Variants in MAP3K7CL observed in about 807,000 individuals in gnomAD.
MAP3K7CL encodes the protein MAP3K7 C-terminal like.
MAP3K7CL carries 16 observed loss-of-function variants against 18.6 expected under a neutral mutation model. The observed-to-expected ratio is 0.86, with a 90% CI of 0.58 to 1.31. MAP3K7CL has a LOEUF of 1.31. Ranked by LOEUF, MAP3K7CL falls within the 50% of genes most tolerant of loss-of-function variation. The pLI is 0.00. For missense variants in MAP3K7CL, 163 were observed against 174.4 expected (o/e 0.93, Z 0.37); for synonymous variants, 65 against 66.8 (o/e 0.97, Z 0.13).
intron 3 of MAP3K7CL, among the ~76,000 whole-genome samples, chr21:29,157,343 T>C (rs1467919443): frequency 6.6e-6 from 1 of 152,236 alleles, no homozygotes; most frequent in Non-Finnish European, 1.5e-5. Context: ...TTATGCAATA[T>C]AACCTTCCTC....
chr21:29,162,912 C>T (rs1026580261), intron 4 of MAP3K7CL, among the ~76,000 whole-genome samples: 3 of 152,082 alleles, frequency 2.0e-5, no homozygotes, highest in African/African-American at 7.2e-5. Flanking sequence ...TGAGACTAGC[C>T]TGGCCAACAT....
chr21:29,158,562 C>T (rs779949148), intron 3 of MAP3K7CL, among the ~76,000 whole-genome samples: 2 of 152,150 alleles, frequency 1.3e-5, no homozygotes, highest in Non-Finnish European at 2.9e-5. Flanking sequence ...TAGGGAATGT[C>T]ATCTTATCTA....
At chr21:29,133,784 A>G (rs977173915) in intron 2 of MAP3K7CL, among the ~76,000 whole-genome samples, 3 of 152,252 alleles carry the variant, frequency 2.0e-5, no homozygotes, top group Admixed American at 6.5e-5. Flanking sequence ...ATATGAAAAT[A>G]TCACTGTTCC....
chr21:29,117,672 T>C (rs1355435678), intron 4 of MAP3K7CL, among the ~76,000 whole-genome samples: 1 of 152,276 alleles, frequency 6.6e-6, no homozygotes, highest in Non-Finnish European at 1.5e-5. Context: ...TGGGTGATTC[T>C]AATCTACTAT....
upstream of MAP3K7CL, among the ~76,000 whole-genome samples, chr21:29,082,713 T>C (rs2085856294): frequency 6.6e-6 from 1 of 152,188 alleles, no homozygotes; most frequent in South Asian, 2.1e-4. Flanking sequence ...TGTAGATACA[T>C]GGAGGCACGT....
chr21:29,078,192 A>G (rs1032919333), intron 1 of MAP3K7CL, among the ~76,000 whole-genome samples: 9 of 151,690 alleles, frequency 5.9e-5, no homozygotes, highest in African/African-American at 1.5e-4. Flanking sequence ...TCATGTTACT[A>G]TATCATCTTA....
intron 4 of MAP3K7CL, among the ~76,000 whole-genome samples, chr21:29,111,148 C>T (rs6516892): frequency 0.44 from 67,072 of 151,700 alleles, 15,088 homozygotes; most frequent in East Asian, 0.64. Flanking sequence ...CCCAGCTACT[C>T]GGGAGGCTGA....
chr21:29,148,178 GTA>G (rs973752788), intron 2 of MAP3K7CL, among the ~76,000 whole-genome samples: 20 of 151,834 alleles, frequency 1.3e-4, no homozygotes, highest in African/African-American at 3.6e-4. Context: ...TGTACTGTAT[GTA>G]TATGTGTACT....
intron 4 of MAP3K7CL, among the ~76,000 whole-genome samples, chr21:29,105,871 C>G (rs2086312390): frequency 6.6e-6 from 1 of 152,140 alleles, no homozygotes; most frequent in Admixed American, 6.5e-5. Flanking sequence ...AAGAGGGCTA[C>G]ATAGAGGGAG....
intron 2 of MAP3K7CL, among the ~76,000 whole-genome samples, chr21:29,140,479 G>A (rs1234550458): frequency 1.3e-5 from 2 of 152,214 alleles, no homozygotes; most frequent in Non-Finnish European, 2.9e-5. Flanking sequence ...TGTTTGCTAA[G>A]TGAGGCGAAG....
chr21:29,144,775 A>G (rs1049031061), intron 2 of MAP3K7CL, among the ~76,000 whole-genome samples: 2 of 152,246 alleles, frequency 1.3e-5, no homozygotes, highest in Non-Finnish European at 2.9e-5. Flanking sequence ...TACAGACCCA[A>G]TGTGTCCTAT....
At chr21:29,105,682 C>T (rs998752282) in intron 4 of MAP3K7CL, among the ~76,000 whole-genome samples, 1 of 152,094 alleles carries the variant, frequency 6.6e-6, no homozygotes, top group Non-Finnish European at 1.5e-5. Flanking sequence ...GAGAAACAGT[C>T]TTTTCATAAA....
At chr21:29,136,532 AT>A (rs1326011395) in intron 2 of MAP3K7CL, among the ~76,000 whole-genome samples, 54 of 129,432 alleles carry the variant, frequency 4.2e-4, no homozygotes, top group African/African-American at 1.4e-3. Context: ...TTTTTATTTT[AT>A]TTTTTTTTTG....
chr21:29,111,234 C>T (rs894423842), intron 4 of MAP3K7CL, among the ~76,000 whole-genome samples: 12 of 151,916 alleles, frequency 7.9e-5, no homozygotes, highest in African/African-American at 2.2e-4. Flanking sequence ...CCAGCCTGGG[C>T]GACAGAGCGA....
intron 4 of MAP3K7CL, among the ~76,000 whole-genome samples, chr21:29,121,026 A>G (rs2146589012): frequency 7.8e-6 from 1 of 128,558 alleles, no homozygotes; most frequent in African/African-American, 2.8e-5. Flanking sequence ...TGATTGTGCC[A>G]CTGTACTTCA....
chr21:29,151,429 G>C (rs759237025), intron 3 of MAP3K7CL, among the ~76,000 whole-genome samples: 2 of 152,060 alleles, frequency 1.3e-5, no homozygotes, highest in Non-Finnish European at 1.5e-5. Context: ...AGCCAAGATC[G>C]TACCACTGCA....
At position 29,149,104 on chromosome 21, in the gene MAP3K7CL, A is replaced by G. The variant is rs367895005; in HGVS notation, c.71-85A>G. The G allele has an allele frequency of 2.3e-4, 252 of 1,073,146 alleles. 1 individual carries two copies. The South Asian group carries it at 3.0e-3, about 13-fold the overall frequency. The allele number at this position is 1,073,146 out of a possible 1,614,324, so 66.5% of individuals were successfully genotyped here. ...TGATGAAATGACTGAAACAGTGTAT[A>G]CTGATGGTCTAACTCTGGGGGAGTC... On this transcript the variant is annotated intron_variant, in intron 2 of 4. Coordinates refer to ENST00000399928, the MANE Select transcript of MAP3K7CL (RefSeq NM_001286620.2).
At chr21:29,158,568 A>G (rs1355317483) in intron 3 of MAP3K7CL, among the ~76,000 whole-genome samples, 1 of 152,234 alleles carries the variant, frequency 6.6e-6, no homozygotes, top group African/African-American at 2.4e-5. Flanking sequence ...ATGTCATCTT[A>G]TCTATCAATC....
At chr21:29,079,633 T>C (rs1419891908) in intron 1 of MAP3K7CL, among the ~76,000 whole-genome samples, 1 of 152,244 alleles carries the variant, frequency 6.6e-6, no homozygotes, top group Non-Finnish European at 1.5e-5. Flanking sequence ...GAATTGGTGG[T>C]GCACTCAATG....
Sources: gnomAD v4.1 joint callset for allele counts (sites outside exome capture counted in the v4.1 genomes callset) on GRCh38, gnomAD v4.1.1 for gene constraint, MANE v1.5 for transcripts, NCBI Gene and HGNC (gene_info 2026-07-23, HGNC 2026-07-21) for gene names.